Variants in TTN observed in about 807,000 individuals in gnomAD.
TTN encodes connectin.
A neutral mutation model predicts 3,223.0 loss-of-function variants in TTN; 1,525 were observed. The ratio of observed to expected loss-of-function variants is 0.47; its 90% CI spans 0.45 to 0.49. TTN has a LOEUF of 0.49. TTN is among the 20% of genes least tolerant of loss of function. The pLI is 0.00. For synonymous variants in TTN, 14,094 were observed against 15,161.0 expected, an observed-to-expected ratio of 0.93 and a Z score of 5.17; for missense variants, 40,786 against 43,424.0, an observed-to-expected ratio of 0.94 and a Z score of 5.40.
chr2:178,638,199 T>A (rs533662618), intron 223 of TTN, among the ~76,000 whole-genome samples: 1 of 151,842 alleles, frequency 6.6e-6, no homozygotes, highest in South Asian at 2.1e-4. Context: ...CAACAAAATA[T>A]AACACAAATA....
At chr2:178,679,450 T>C (rs1388072440) in intron 141 of TTN, 34 bp from the exon 142 acceptor site, 1 of 1,605,388 alleles carries the variant, frequency 6.2e-7, no homozygotes, top group Non-Finnish European at 8.5e-7. Context: ...AAGTTCTAAC[T>C]ACTAGTAACA....
In TTN at chr2:178,540,144, G is replaced by A. The variant is rs372825562; in HGVS notation, c.98022C>T (p.Arg32674=). The A allele has an allele frequency of 2.2e-5, 36 of 1,613,458 alleles. No homozygotes were observed. Among genetic ancestry groups the A allele is most frequent in the Non-Finnish European group, 2.6e-5 (31 of 1,179,568 alleles). Residue 32674 remains arginine (R), a synonymous_variant, in exon 351 of 363, where the codon CGC becomes CGT. Coordinates refer to ENST00000589042, the MANE Select transcript of TTN (RefSeq NM_001267550.2). The part of the protein sequence containing the change: ...HLPQGAEYRF[R]VLACNAGGPG... The stretch of plus-strand genomic sequence containing the variant: ...GTCCACCAGCATTACAAGCTAGGAC[G>A]CGGAACCTGTATTCTGCACCCTGAG...
chr2:178,785,470 G>T, intron 15 of TTN, 150 bp downstream of exon 15: 1 of 1,162,982 alleles, frequency 8.6e-7, no homozygotes, highest in Non-Finnish European at 1.2e-6. Context: ...AAATCTTTAG[G>T]GTGTCTGGGC....
chr2:178,549,696 C>T lies in TTN; in HGVS notation c.92026G>A (p.Ala30676Thr). 2 of 1,613,786 alleles carry T rather than the reference C, an allele frequency of 1.2e-6. No individual in the cohort carries two copies. Among genetic ancestry groups the T allele is most frequent in the Non-Finnish European group, 1.7e-6 (2 of 1,179,754 alleles). The change falls in exon 338 of 363, where the codon GCC becomes ACC. Residue 30676 changes from alanine to threonine, a missense_variant. By Grantham distance (58) the Ala-to-Thr change is moderately conservative (BLOSUM62 0). Transcript: ENST00000589042. ...AWALIEDKCE[A>T]QSYTAIKLIN... The stretch of plus-strand genomic sequence containing the variant: ...AGTTTAATGGCAGTGTAACTTTGGG[C>T]TTCACATTTATCCTCAATTAGTGCC...
In TTN at chr2:178,634,473, T is replaced by A. The variant is rs775487599; in HGVS notation, c.42308A>T (p.Asp14103Val). Residue 14103 changes from aspartate to valine, a missense_variant, in exon 230 of 363, where the codon GAT becomes GTT. Transcript: ENST00000589042. The surrounding 1 kb of genome is among the most constrained non-coding windows in gnomAD (Gnocchi z 4.6). ...KSSDKFDIIA[D>V]GKKHILVIND... Reference sequence around the variant, plus strand: ...AATAACAAGAATATGTTTCTTTCCATCAGCGATGATATCAAATTTGTCAGA... The same window carrying A: ...AATAACAAGAATATGTTTCTTTCCAACAGCGATGATATCAAATTTGTCAGA... 1.2e-6 allele frequency: 2 copies of A among 1,613,280 alleles called. No individual in the cohort carries two copies. The highest frequency in any genetic ancestry group is 1.7e-6 in the Non-Finnish European group (2 of 1,179,516).
intron 336 of TTN, chr2:178,550,547 C>T (rs750847835): frequency 3.0e-4 from 134 of 441,476 alleles, no homozygotes; most frequent in Non-Finnish European, 4.8e-4. Context: ...AGATCATGTA[C>T]TTCCTAATAC....
rs1292233616 is a variant in TTN at position 178,651,886 on chromosome 2, TGTG to T, written c.39374_39376del (p.Pro13125del). On this transcript the variant is annotated inframe_deletion, in exon 205 of 363. Coordinates refer to ENST00000589042, the MANE Select transcript of TTN (RefSeq NM_001267550.2). The stretch of plus-strand genomic sequence containing the variant: ...CTAGCAGCTTTCTTGCCATGTACCT[TGTG>T]GAGGCGCCGCTGGCTCTGGCTCTTC... 1.9e-6 allele frequency: 3 copies of T among 1,607,022 alleles called. No homozygotes were observed. The Admixed American group carries it at 5.1e-5, about 27-fold the overall frequency.
At position 178,721,006 on chromosome 2, in the gene TTN, A is replaced by G. The variant is rs905453357; in HGVS notation, c.23013T>C (p.Ala7671=). The G allele has an allele frequency of 3.1e-6, 5 of 1,613,312 alleles. No homozygotes were observed. In the Admixed American group the frequency reaches 5.0e-5, roughly 16 times the overall value. The change falls in exon 79 of 363, where the codon GCT becomes GCC. Residue 7671 remains alanine (A), a synonymous_variant. Transcript: ENST00000589042. ...TGTAGTCCCCGCTGTCTTCAGCACT[A>G]GCTTCATTGATCGTAAGCAATGCCA... is the stretch of plus-strand genomic sequence containing the variant. The part of the protein sequence containing the change: ...NSVALLTINE[A]SAEDSGDYIC...
chr2:178,644,409 C>A, intron 218 of TTN, 139 bp downstream of exon 218: 3 of 618,844 alleles, frequency 4.8e-6, no homozygotes, highest in Non-Finnish European at 7.9e-6. Context: ...ACCATAAAAG[C>A]CACAGAAATA....
At position 178,573,706 on chromosome 2, in the gene TTN, T is replaced by C. The variant is rs747483481; in HGVS notation, c.72426A>G (p.Leu24142=). ...VTEVTSEKCV[L]SWFPPLDDGG... Reference sequence around the variant, plus strand: ...CATCATCCAGTGGAGGGAACCATGATAGTACACACTTTTCTGATGTCACTT... The same window carrying C: ...CATCATCCAGTGGAGGGAACCATGACAGTACACACTTTTCTGATGTCACTT... The change falls in exon 326 of 363, where the codon CTA becomes CTG. Residue 24142 remains leucine (L), a synonymous_variant. Coordinates refer to ENST00000589042, the MANE Select transcript of TTN (RefSeq NM_001267550.2). 10 of 1,540,864 alleles carry C rather than the reference T, an allele frequency of 6.5e-6. No individual in the cohort carries two copies. Among genetic ancestry groups the C allele is most frequent in the Admixed American group, 2.0e-5 (1 of 49,192 alleles).
chr2:178,783,953 A>C (rs72647863), intron 16 of TTN, 117 bp downstream of exon 16: 6 of 1,533,454 alleles, frequency 3.9e-6, no homozygotes, highest in Non-Finnish European at 5.4e-6. Flanking sequence ...ATCAAGTCTT[A>C]GTATGGCAAA....
In TTN at chr2:178,739,633, C is replaced by T. The variant is rs750347241; in HGVS notation, c.13600G>A (p.Glu4534Lys). 1 of 1,613,868 alleles carries T rather than the reference C, an allele frequency of 6.2e-7. No individual in the cohort carries two copies. Among genetic ancestry groups the T allele is most frequent in the South Asian group, 1.1e-5 (1 of 91,080 alleles). The change falls in exon 48 of 363, where the codon GAG becomes AAG. Residue 4534 changes from glutamate to lysine, a missense_variant. Coordinates refer to ENST00000589042, the MANE Select transcript of TTN (RefSeq NM_001267550.2). ...VESKYLISTEEVSYFNVQSRV... is the reference protein window; with the variant it reads ...VESKYLISTEKVSYFNVQSRV... Reference sequence around the variant, plus strand: ...CTTTGCACGTTAAAATAACTGACCTCTTCAGTTGAGATCAGATATTTAGAT... The same window carrying T: ...CTTTGCACGTTAAAATAACTGACCTTTTCAGTTGAGATCAGATATTTAGAT...
chr2:178,803,302 G>C (rs1266339587), intron 2 of TTN, among the ~76,000 whole-genome samples: 1 of 152,068 alleles, frequency 6.6e-6, no homozygotes, highest in South Asian at 2.1e-4. Flanking sequence ...TAGTTTGAAG[G>C]AACAAGAAGA....
intron 240 of TTN, 47 bp from the exon 241 acceptor site, chr2:178,625,443 TG>T: frequency 6.7e-7 from 1 of 1,482,122 alleles, no homozygotes. Context: ...ATCTAGTATA[TG>T]GGTGCATTTA....
At position 178,529,228 on chromosome 2, in the gene TTN, G is replaced by A. The variant is rs765282158; in HGVS notation, c.106532-9C>T. Reference sequence around the variant, plus strand: ...CTCAGTATCTTTTATAGCTAAAAAAGAAACCTCTGTAAGGCAAACTTAATT... The same window carrying A: ...CTCAGTATCTTTTATAGCTAAAAAAAAAACCTCTGTAAGGCAAACTTAATT... On this transcript the variant is annotated splice_polypyrimidine_tract_variant and intron_variant, in intron 359 of 362. Transcript: ENST00000589042. The A allele has an allele frequency of 6.9e-7, 1 of 1,449,714 alleles. No individual in the cohort carries two copies. Among genetic ancestry groups the A allele is most frequent in the East Asian group, 2.4e-5 (1 of 41,340 alleles). The allele number at this position is 1,449,714 out of a possible 1,614,324, so 89.8% of individuals were successfully genotyped here. A position where few individuals can be genotyped will look rare whatever the true frequency, so the allele number is the denominator to read the frequency against.
At chr2:178,584,629 A>G in intron 310 of TTN, 40 bp downstream of exon 310, 1 of 1,610,458 alleles carries the variant, frequency 6.2e-7, no homozygotes, top group Non-Finnish European at 8.5e-7. Context: ...GTAACAAACT[A>G]GAAAGAAAAC....
rs1703208399 is a variant in TTN at position 178,560,453 on chromosome 2, G to C, written c.85679C>G (p.Thr28560Ser). 6.2e-7 allele frequency: 1 copy of C among 1,613,484 alleles called. No homozygotes were observed. The highest frequency in any genetic ancestry group is 8.5e-7 in the Non-Finnish European group (1 of 1,179,742). Reference sequence around the variant, plus strand: ...TGTCATAGATTCTTTGGTCACAGAAGTAATTTCCAAAGACGTGGGTGGACT... The same window carrying C: ...TGTCATAGATTCTTTGGTCACAGAACTAATTTCCAAAGACGTGGGTGGACT... Reference protein sequence around the residue: ...VPSPPTSLEITSVTKESMTLC... With the variant: ...VPSPPTSLEISSVTKESMTLC... The change falls in exon 326 of 363, where the codon ACT becomes AGT. Residue 28560 changes from threonine to serine, a missense_variant. By Grantham distance (58) the Thr-to-Ser change is moderately conservative. Transcript: ENST00000589042.
Position 178,776,547 on chromosome 2 carries a change from C to T in TTN, c.5317G>A (p.Gly1773Ser), listed in dbSNP as rs751246824. 6.2e-7 allele frequency: 1 copy of T among 1,611,746 alleles called. No individual in the cohort carries two copies. Among genetic ancestry groups the T allele is most frequent in the Non-Finnish European group, 8.5e-7 (1 of 1,179,974 alleles). Residue 1773 changes from glycine to serine, a missense_variant, in exon 28 of 363, where the codon GGT becomes AGT. Transcript: ENST00000589042. ...TTAGTGGCTCTGCAAGTAATGATACCACTGTCTCTAGAATATGCAACGCCA... is the reference window on the plus strand; with the variant it reads ...TTAGTGGCTCTGCAAGTAATGATACTACTGTCTCTAGAATATGCAACGCCA... Reference protein sequence around the residue: ...DYGVAYSRDSGIITCRATNKY... With the variant: ...DYGVAYSRDSSIITCRATNKY...
At position 178,546,389 on chromosome 2, in the gene TTN, T is replaced by C; in HGVS notation, c.94942A>G (p.Ile31648Val). 1 of 1,613,800 alleles carries C rather than the reference T, an allele frequency of 6.2e-7. No homozygotes were observed. The highest frequency in any genetic ancestry group is 8.5e-7 in the Non-Finnish European group (1 of 1,179,756). ...AGCTCCTTGTCTCCTTTGGTCCAGATAATTTTGGGTTCAGGTTTGCCACCA... is the reference window on the plus strand; with the variant it reads ...AGCTCCTTGTCTCCTTTGGTCCAGACAATTTTGGGTTCAGGTTTGCCACCA... ...AVGGKPEPKI[I>V]WTKGDKELDL... The change falls in exon 342 of 363, where the codon ATC becomes GTC. Residue 31648 changes from isoleucine (I) to valine (V), a missense_variant. Transcript: ENST00000589042.
Sources: gnomAD v4.1 joint callset for allele counts (sites outside exome capture counted in the v4.1 genomes callset) on GRCh38, gnomAD v4.1.1 for gene constraint, Gnocchi (gnomAD v3.1) non-coding constraint, MANE v1.5 for transcripts, NCBI Gene and HGNC (gene_info 2026-07-23, HGNC 2026-07-21) for gene names.